The following COL14A1 variants were observed in gnomAD, a reference collection of about 807,000 sequenced individuals.
The protein encoded by COL14A1 is collagen type XIV alpha 1 chain, also known as collagen alpha-1(XIV) chain.
In COL14A1, 136 loss-of-function variants were observed where a neutral mutation model predicts 230.3. The observed-to-expected ratio is 0.59, with a 90% CI of 0.51 to 0.68. The LOEUF (loss-of-function observed/expected upper bound fraction) is 0.68. COL14A1 is among the 30% of genes least tolerant of loss of function. COL14A1 has a pLI of 0.00. For missense variants in COL14A1, 1,976 were observed against 2,215.8 expected (o/e 0.89, Z 2.17); for synonymous variants, 792 against 784.1 (o/e 1.01, Z -0.17).
intron 5 of COL14A1, among the ~76,000 whole-genome samples, chr8:120,189,855 G>A (rs1816762042): frequency 6.6e-6 from 1 of 151,976 alleles, no homozygotes; most frequent in African/African-American, 2.4e-5. Context: ...TGATGTATAT[G>A]TGCCACATTT....
At chr8:120,310,173 C>T in intron 37 of COL14A1, 111 bp downstream of exon 37, 12 of 1,096,814 alleles carry the variant, frequency 1.1e-5, no homozygotes, top group Non-Finnish European at 1.6e-5. Context: ...TCTAAAGTTC[C>T]TTATAGTTTT....
At chr8:120,139,754 G>C (rs1025535853) in intron 1 of COL14A1, among the ~76,000 whole-genome samples, 1 of 152,138 alleles carries the variant, frequency 6.6e-6, no homozygotes, top group Non-Finnish European at 1.5e-5. Context: ...AGCCAAGTGC[G>C]GTGGCTCATG....
intron 31 of COL14A1, among the ~76,000 whole-genome samples, chr8:120,282,571 G>T (rs1038143269): frequency 2.0e-5 from 3 of 152,030 alleles, no homozygotes; most frequent in Admixed American, 2.0e-4. Context: ...ATAAATAAAT[G>T]AATATTTATT....
chr8:120,225,984 G>A (rs562054065), intron 15 of COL14A1, among the ~76,000 whole-genome samples: 2 of 150,778 alleles, frequency 1.3e-5, no homozygotes, highest in South Asian at 4.2e-4. Context: ...CAAAAAGTTG[G>A]GTTTTTATGT....
chr8:120,310,404 C>A (rs914713868), intron 37 of COL14A1, among the ~76,000 whole-genome samples: 5 of 152,096 alleles, frequency 3.3e-5, no homozygotes, highest in Non-Finnish European at 7.3e-5. Context: ...CATGCAGAAC[C>A]ACAATTTGGT....
chr8:120,253,034 T>A (rs1819025589), intron 22 of COL14A1, among the ~76,000 whole-genome samples: 1 of 152,222 alleles, frequency 6.6e-6, no homozygotes, highest in South Asian at 2.1e-4. Context: ...TGGCTGTTGA[T>A]GTGACACTGT....
rs139241579 is a variant in COL14A1 at position 120,302,210 on chromosome 8, C to G, written c.4401+1392C>G. Among the ~76,000 whole-genome samples the G allele has an allele frequency of 5.8e-3, 877 of 152,230 alleles. 5 individuals carry two copies. Among genetic ancestry groups the G allele is most frequent in the African/African-American group, 0.02 (831 of 41,550 alleles). On this transcript the variant is annotated intron_variant, in intron 36 of 47. Transcript: ENST00000297848. ...TGTCTGTTTACTCTGTTGATAGTTA[C>G]TTTTGCTGTGCAGAAGCACCTTAGT...
At chr8:120,258,119 G>A (rs544681608) in intron 23 of COL14A1, among the ~76,000 whole-genome samples, 1 of 152,294 alleles carries the variant, frequency 6.6e-6, no homozygotes, top group African/African-American at 2.4e-5. Context: ...TTAAGCCGAA[G>A]GGTCAATTTA....
intron 9 of COL14A1, 100 bp downstream of exon 9, chr8:120,203,970 T>C: frequency 8.1e-7 from 1 of 1,234,494 alleles, no homozygotes; most frequent in Non-Finnish European, 1.1e-6. Flanking sequence ...GTTGGCTTTT[T>C]GAAGACCCCT....
At chr8:120,308,502 A>G (rs1314753182) in intron 36 of COL14A1, among the ~76,000 whole-genome samples, 1 of 152,274 alleles carries the variant, frequency 6.6e-6, no homozygotes, top group Non-Finnish European at 1.5e-5. Flanking sequence ...TATTTAAAAC[A>G]TACACAGCAA....
intron 4 of COL14A1, among the ~76,000 whole-genome samples, chr8:120,166,699 T>G (rs990260193): frequency 6.6e-6 from 1 of 152,178 alleles, no homozygotes; most frequent in Non-Finnish European, 1.5e-5. Context: ...AGAATTTTAA[T>G]TGTGAGATGG....
intron 45 of COL14A1, among the ~76,000 whole-genome samples, chr8:120,361,683 T>A (rs1563399): frequency 0.51 from 78,065 of 151,966 alleles, 21,141 homozygotes; most frequent in African/African-American, 0.7. Context: ...CAATGGAAGC[T>A]TTCCCCAGGC....
chr8:120,368,050 C>T (rs1042833227), intron 46 of COL14A1, among the ~76,000 whole-genome samples: 2 of 152,084 alleles, frequency 1.3e-5, no homozygotes, highest in Non-Finnish European at 2.9e-5. Context: ...CCCAACTGAA[C>T]TGCAAGGCAG....
At chr8:120,313,821 T>G in intron 37 of COL14A1, 111 bp from the exon 38 acceptor site, 1 of 665,816 alleles carries the variant, frequency 1.5e-6, no homozygotes, top group Non-Finnish European at 2.5e-6. Context: ...TTTCCTATCT[T>G]AAGAAAAACT....
chr8:120,131,615 T>C lies in COL14A1; in HGVS notation c.-38+6275T>C, dbSNP rs147800446. ...ATTATAGATTCTGGATATCAGACCT[T>C]TGTTGGGTCCATACTTTGCAAATAC... On this transcript the variant is annotated intron_variant, in intron 1 of 47. Coordinates refer to ENST00000297848, the MANE Select transcript of COL14A1 (RefSeq NM_021110.4). Among the ~76,000 whole-genome samples the C allele has an allele frequency of 1.9e-3, 286 of 152,202 alleles. 1 individual carries two copies. Among genetic ancestry groups the C allele is most frequent in the Middle Eastern group, 3.4e-3 (1 of 294 alleles).
At chr8:120,143,344 C>T (rs1275298553) in intron 1 of COL14A1, among the ~76,000 whole-genome samples, 1 of 152,182 alleles carries the variant, frequency 6.6e-6, no homozygotes, top group Non-Finnish European at 1.5e-5. Context: ...ACTGGCCGGG[C>T]ACAGTGGCTC....
intron 3 of COL14A1, among the ~76,000 whole-genome samples, chr8:120,158,725 TTTAAA>T (rs1299990776): frequency 6.6e-6 from 1 of 152,200 alleles, no homozygotes; most frequent in African/African-American, 2.4e-5. Context: ...TTAAGGATGC[TTTAAA>T]TTAAGCATCT....
At chr8:120,307,190 A>C (rs1820880301) in intron 36 of COL14A1, among the ~76,000 whole-genome samples, 1 of 152,334 alleles carries the variant, frequency 6.6e-6, no homozygotes. Context: ...TGAGAAAACA[A>C]GTATCTGTCT....
intron 16 of COL14A1, 119 bp from the exon 17 acceptor site, chr8:120,227,101 A>G (rs1025580701): frequency 2.2e-5 from 25 of 1,128,098 alleles, no homozygotes; most frequent in Non-Finnish European, 2.9e-5. Flanking sequence ...CTTAAAATGG[A>G]CTTCGACAGC....
Sources: gnomAD v4.1 joint callset for allele counts (sites outside exome capture counted in the v4.1 genomes callset) on GRCh38, gnomAD v4.1.1 for gene constraint, MANE v1.5 for transcripts, NCBI Gene and HGNC (gene_info 2026-07-23, HGNC 2026-07-21) for gene names.